Variants in DNA2 observed in about 807,000 individuals in gnomAD.
The protein encoded by DNA2 is DNA replication ATP-dependent helicase/nuclease DNA2.
In DNA2, 101 loss-of-function variants were observed where a neutral mutation model predicts 119.1. The ratio of observed to expected loss-of-function variants is 0.85; its 90% CI spans 0.72 to 1.00. The LOEUF (loss-of-function observed/expected upper bound fraction) is 1.00. Among genes scored for constraint, DNA2 ranks in the 50% least tolerant of loss-of-function variants. The pLI, the probability that DNA2 is intolerant of heterozygous loss-of-function variation, is 0.00. For missense variants in DNA2, 1,121 were observed against 1,255.5 expected, an observed-to-expected ratio of 0.89 and a Z score of 1.62; for synonymous variants, 366 against 424.4, an observed-to-expected ratio of 0.86 and a Z score of 1.69.
intron 5 of DNA2, among the ~76,000 whole-genome samples, chr10:68,457,697 A>G (rs1208338296): frequency 2.0e-5 from 3 of 152,104 alleles, no homozygotes; most frequent in Non-Finnish European, 4.4e-5. Context: ...AACAGAAAAA[A>G]ACATATTTCC....
At chr10:68,472,009 A>G (rs758321440), upstream of DNA2, 34 of 1,609,698 alleles carry the variant, frequency 2.1e-5, no homozygotes, top group Middle Eastern at 8.3e-4. Flanking sequence ...GACCTGCGCC[A>G]GGCCGCCCCT....
intron 8 of DNA2, 69 bp downstream of exon 8, chr10:68,444,852 C>G: frequency 8.7e-7 from 1 of 1,153,480 alleles, no homozygotes; most frequent in Non-Finnish European, 1.2e-6. Context: ...CGTCTGGCCA[C>G]CAGTGTTAAA....
chr10:68,450,119 T>C lies in DNA2; in HGVS notation c.848A>G (p.Lys283Arg). 3.7e-6 allele frequency: 6 copies of C among 1,606,422 alleles called. No individual in the cohort carries two copies. Among genetic ancestry groups the C allele is most frequent in the Non-Finnish European group, 4.3e-6 (5 of 1,175,850 alleles). Reference sequence around the variant, plus strand: ...TTTTGTTTTATACCCTCGATGTATTTTCACACCAACTGTAACATCTATTTT... The same window carrying C: ...TTTTGTTTTATACCCTCGATGTATTCTCACACCAACTGTAACATCTATTTT... ...KGKIDVTVGV[K>R]IHRGYKTKYK... The change falls in exon 6 of 21, where the codon AAA becomes AGA. Residue 283 changes from lysine to arginine, a missense_variant. By Grantham distance (26) the Lys-to-Arg change is conservative. Transcript: ENST00000358410.
intron 4 of DNA2, among the ~76,000 whole-genome samples, chr10:68,462,431 T>C (rs1204549971): frequency 1.3e-5 from 2 of 152,216 alleles, no homozygotes; most frequent in Non-Finnish European, 2.9e-5. Context: ...AAACATGTTT[T>C]ACTTTCTAGT....
intron 18 of DNA2, 49 bp downstream of exon 18, chr10:68,419,754 C>CTTTTTTTTTTTTTTTTTTTTT (rs1429308709): frequency 7.2e-7 from 1 of 1,390,594 alleles, no homozygotes; most frequent in African/African-American, 1.4e-5. Flanking sequence ...GTCTAACATT[C>CTTTTTTTTTTTTTTTTTTTTT]TTTTATTCTG....
In DNA2 at chr10:68,430,740, C is replaced by A. The variant is rs1278569943; in HGVS notation, c.1984-80G>T. The A allele has an allele frequency of 3.6e-6, 4 of 1,112,620 alleles. No homozygotes were observed. The African/African-American group carries it at 6.3e-5, about 18-fold the overall frequency. The allele number at this position is 1,112,620 out of a possible 1,614,324, so 68.9% of individuals were successfully genotyped here. A position where few individuals can be genotyped will look rare whatever the true frequency, so the allele number is the denominator to read the frequency against. On this transcript the variant is annotated intron_variant, in intron 13 of 20. Transcript: ENST00000358410. ...ATTTTTAACATGTTTATAAACTTAA[C>A]AAGAACCATATCTAAGAGCTGAGCC... is the stretch of plus-strand genomic sequence containing the variant.
chr10:68,428,034 G>GA (rs565655708), intron 14 of DNA2, among the ~76,000 whole-genome samples: 17,414 of 121,390 alleles, frequency 0.14, 1,168 homozygotes, highest in South Asian at 0.28. Flanking sequence ...CTCCATCTCA[G>GA]AAAAAAAAAA....
At chr10:68,459,793 C>T (rs565299287) in intron 4 of DNA2, among the ~76,000 whole-genome samples, 7 of 152,186 alleles carry the variant, frequency 4.6e-5, no homozygotes, top group South Asian at 2.1e-4. Flanking sequence ...CTTTGGGATG[C>T]GGAGGCAGGT....
intron 9 of DNA2, among the ~76,000 whole-genome samples, chr10:68,441,196 G>A (rs2051962481): frequency 6.6e-6 from 1 of 151,374 alleles, no homozygotes; most frequent in East Asian, 1.9e-4. Context: ...CAAGTTTGGT[G>A]GTGCACACCT....
chr10:68,428,499 T>G (rs1032211424), intron 14 of DNA2, among the ~76,000 whole-genome samples: 1 of 152,174 alleles, frequency 6.6e-6, no homozygotes, highest in Non-Finnish European at 1.5e-5. Context: ...TGAAGACTTA[T>G]GTTACGCAAA....
chr10:68,455,734 T>C (rs1379795837), intron 5 of DNA2, among the ~76,000 whole-genome samples: 1 of 151,696 alleles, frequency 6.6e-6, no homozygotes, highest in Non-Finnish European at 1.5e-5. Context: ...GTCACAAGAA[T>C]CATTTGAACC....
chr10:68,439,680 G>A (rs1467719840), intron 9 of DNA2, among the ~76,000 whole-genome samples: 2 of 150,246 alleles, frequency 1.3e-5, no homozygotes, highest in Admixed American at 6.6e-5. Context: ...TCTACTAAAA[G>A]TACAAAATTA....
chr10:68,440,780 G>A (rs751443275), intron 9 of DNA2, among the ~76,000 whole-genome samples: 3 of 152,030 alleles, frequency 2.0e-5, no homozygotes, highest in Non-Finnish European at 4.4e-5. Context: ...TAATATTAGG[G>A]AAATAATAAT....
At chr10:68,443,944 C>CG (rs2052003154) in intron 8 of DNA2, among the ~76,000 whole-genome samples, 1 of 144,862 alleles carries the variant, frequency 6.9e-6, no homozygotes, top group South Asian at 2.1e-4. Context: ...AAGCAAGACT[C>CG]TGTCTCAAAA....
intron 3 of DNA2, among the ~76,000 whole-genome samples, chr10:68,467,022 CAAAAT>C (rs540622548): frequency 2.0e-5 from 3 of 152,148 alleles, no homozygotes; most frequent in Non-Finnish European, 4.4e-5. Flanking sequence ...CAGTGAGACT[CAAAAT>C]AAAATAAAAG....
intron 6 of DNA2, among the ~76,000 whole-genome samples, chr10:68,448,805 T>G (rs1220884739): frequency 7.2e-6 from 1 of 139,136 alleles, no homozygotes; most frequent in Non-Finnish European, 1.5e-5. Context: ...TGAGATGGAG[T>G]CTGGCTCTGT....
intron 6 of DNA2, among the ~76,000 whole-genome samples, chr10:68,448,277 G>C (rs914688020): frequency 1.3e-5 from 2 of 152,066 alleles, no homozygotes; most frequent in Non-Finnish European, 2.9e-5. Context: ...AGCATGAAAT[G>C]TCATTAACCA....
intron 5 of DNA2, among the ~76,000 whole-genome samples, chr10:68,458,208 C>T (rs989932113): frequency 2.6e-5 from 4 of 151,488 alleles, no homozygotes; most frequent in Non-Finnish European, 4.4e-5. Flanking sequence ...AAATTAGGAC[C>T]CCCAGAATAT....
At chr10:68,418,493 C>A (rs898044303) in intron 19 of DNA2, among the ~76,000 whole-genome samples, 94 of 147,622 alleles carry the variant, frequency 6.4e-4, no homozygotes, top group East Asian at 2.6e-3. Flanking sequence ...AAAAAAAAAA[C>A]CAGAATACAT....
Sources: allele counts gnomAD v4.1 joint callset (sites outside exome capture counted in the v4.1 genomes callset), GRCh38; gene constraint gnomAD v4.1.1; transcripts MANE v1.5; gene names NCBI Gene and HGNC (gene_info 2026-07-23, HGNC 2026-07-21).